Variants in NADSYN1 observed in about 807,000 individuals in gnomAD.
The protein encoded by NADSYN1 is glutamine-dependent NAD(+) synthetase.
Under a neutral mutation model 99.3 loss-of-function variants are expected in NADSYN1, and 80 were observed. The observed-to-expected ratio is 0.81, with a 90% confidence interval of 0.67 to 0.97. NADSYN1 has a LOEUF of 0.97. NADSYN1 is among the 50% of genes least tolerant of loss of function. NADSYN1 has a pLI of 0.00. For missense variants in NADSYN1, 859 were observed against 948.5 expected, an observed-to-expected ratio of 0.91 and a Z score of 1.24; for synonymous variants, 385 against 372.1, an observed-to-expected ratio of 1.03 and a Z score of -0.40.
Position 71,473,615 on chromosome 11 carries a change from G to A in NADSYN1, c.595G>A (p.Ala199Thr), listed in dbSNP as rs758936572. 18 of 1,612,962 alleles carry A rather than the reference G, an allele frequency of 1.1e-5. No homozygotes were observed. The highest frequency in any genetic ancestry group is 1.7e-5 in the Admixed American group (1 of 60,006). ...GLDGVEIITN[A>T]SGSHQVLRKA... is the part of the protein sequence containing the mutation. ...GGATGGCGTGGAGATCATCACCAAC[G>A]CCTCGGGCAGCCACCAAGTGCTGCG... The change falls in exon 8 of 21, where the codon GCC (alanine) becomes ACC (threonine). Residue 199 changes from alanine to threonine, a missense_variant. Coordinates refer to ENST00000319023, the MANE Select transcript of NADSYN1 (RefSeq NM_018161.5).
At chr11:71,479,848 G>A (rs867664665) in intron 10 of NADSYN1, 2 of 152,234 alleles carry the variant, frequency 1.3e-5, no homozygotes, top group South Asian at 2.1e-4. Context: ...TTCAGATCCT[G>A]TGATTACTGT....
At chr11:71,478,050 G>T (rs893732118) in intron 9 of NADSYN1, among the ~76,000 whole-genome samples, 1 of 152,038 alleles carries the variant, frequency 6.6e-6, no homozygotes, top group Non-Finnish European at 1.5e-5. Context: ...TTACTGACAT[G>T]GGGGTGTCTT....
In NADSYN1 at chr11:71,482,771, G is replaced by A; in HGVS notation, c.1151-78G>A. 19 of 1,510,140 alleles carry A rather than the reference G, an allele frequency of 1.3e-5. 1 individual carries two copies. The highest frequency in any genetic ancestry group is 1.7e-5 in the Non-Finnish European group (19 of 1,119,410). The allele number at this position is 1,510,140 out of a possible 1,614,324, so 93.5% of individuals were successfully genotyped here. Reference sequence around the variant, plus strand: ...GGTGGAGCCGCATGGGCACCTGGGGGTGTAGACCGGGGTGGAACTATGTAA... The same window carrying A: ...GGTGGAGCCGCATGGGCACCTGGGGATGTAGACCGGGGTGGAACTATGTAA... On this transcript the variant is annotated intron_variant, in intron 13 of 20. Coordinates refer to ENST00000319023, the MANE Select transcript of NADSYN1 (RefSeq NM_018161.5).
chr11:71,492,354 A>T (rs780839186), intron 18 of NADSYN1, among the ~76,000 whole-genome samples: 15 of 152,102 alleles, frequency 9.9e-5, no homozygotes, highest in Non-Finnish European at 2.1e-4. Context: ...CCAGCCTCTT[A>T]GGTCACCAGG....
chr11:71,465,548 C>T (rs1949582267), intron 5 of NADSYN1, among the ~76,000 whole-genome samples: 1 of 152,194 alleles, frequency 6.6e-6, no homozygotes, highest in Non-Finnish European at 1.5e-5. Context: ...TTGGGTCATT[C>T]TTTGTCATGG....
At chr11:71,453,425 G>A (rs12789751) in intron 1 of NADSYN1, 44 bp downstream of exon 1, 1,045,900 of 1,552,084 alleles carry the variant, frequency 0.67, 380,119 homozygotes, top group Non-Finnish European at 0.77. Flanking sequence ...GTGGCGCACG[G>A]GCACCGTGGC....
intron 18 of NADSYN1, among the ~76,000 whole-genome samples, chr11:71,493,841 ATAAGG>A (rs1949801053): frequency 6.6e-6 from 1 of 152,100 alleles, no homozygotes; most frequent in Admixed American, 6.5e-5. Flanking sequence ...TAAAAAGTTT[ATAAGG>A]TAAGGCTGAG....
Position 71,453,209 on chromosome 11 carries a change from G to C in NADSYN1, c.-88G>C. On this transcript the variant is annotated 5_prime_UTR_variant, in exon 1 of 21. Transcript: ENST00000319023. ...GGAGGGGGCGGGGCCGGGCAACCCG[G>C]AAGGTCCGGCGTCCCAGCCGCCTAC... 1 of 1,179,570 alleles carries C rather than the reference G, an allele frequency of 8.5e-7. No homozygotes were observed. Among genetic ancestry groups the C allele is most frequent in the Non-Finnish European group, 1.2e-6 (1 of 817,100 alleles). 73.1% of individuals were successfully genotyped at this position (1,179,570 alleles called of 1,614,324 possible). A position where few individuals can be genotyped will look rare whatever the true frequency, so the allele number is the denominator to read the frequency against.
At chr11:71,461,046 C>T (rs1440046521) in intron 3 of NADSYN1, 1 of 152,050 alleles carries the variant, frequency 6.6e-6, no homozygotes, top group Non-Finnish European at 1.5e-5. Flanking sequence ...TGGTTTTTTG[C>T]CTACAACTGT....
At chr11:71,473,486 C>T (rs765531255) in intron 7 of NADSYN1, 83 bp from the exon 8 acceptor site, 29 of 1,526,658 alleles carry the variant, frequency 1.9e-5, no homozygotes, top group Admixed American at 3.4e-5. Context: ...TGGGAGCTGC[C>T]GTGGGAGAGT....
At chr11:71,473,542 G>A (rs1949643354) in intron 7 of NADSYN1, 27 bp from the exon 8 acceptor site, 1 of 1,595,708 alleles carries the variant, frequency 6.3e-7, no homozygotes, top group Admixed American at 1.7e-5. Context: ...CTGGTGGCCT[G>A]TTCTCTTCAC....
chr11:71,459,017 G>T (rs755203319), intron 3 of NADSYN1: 4 of 178,934 alleles, frequency 2.2e-5, no homozygotes, highest in East Asian at 1.6e-4. Flanking sequence ...CTCTGCACAC[G>T]CTGTGCTGGT....
chr11:71,476,199 A>C (rs1949664270), intron 9 of NADSYN1: 1 of 429,326 alleles, frequency 2.3e-6, no homozygotes, highest in Non-Finnish European at 4.7e-6. Context: ...TCCCACACAC[A>C]GCATTGCCTG....
At chr11:71,466,581 G>A (rs545639476) in intron 5 of NADSYN1, 1 of 152,368 alleles carries the variant, frequency 6.6e-6, no homozygotes, top group East Asian at 1.9e-4. Flanking sequence ...CTCCAAGGCT[G>A]TAATTTCACT....
chr11:71,473,953 A>T (rs986250689), intron 8 of NADSYN1, among the ~76,000 whole-genome samples: 1 of 152,196 alleles, frequency 6.6e-6, no homozygotes, highest in Non-Finnish European at 1.5e-5. Context: ...GTTCGTTGGC[A>T]TCATGGTGAG....
intron 10 of NADSYN1, chr11:71,479,834 G>T (rs1207831690): frequency 6.6e-6 from 1 of 152,246 alleles, no homozygotes; most frequent in East Asian, 1.9e-4. Context: ...CTGTATCCAT[G>T]GGCTTCAGAT....
At chr11:71,481,045 G>T in intron 11 of NADSYN1, 166 bp downstream of exon 11, 1 of 948,466 alleles carries the variant, frequency 1.1e-6, no homozygotes, top group Non-Finnish European at 1.5e-6. Flanking sequence ...GCTAGAGCCA[G>T]AACCCCTGGG....
intron 3 of NADSYN1, chr11:71,460,778 T>C (rs745799810): frequency 1.3e-5 from 2 of 152,232 alleles, no homozygotes; most frequent in Admixed American, 6.5e-5. Context: ...CATAATGTCA[T>C]TGATAACTTC....
At chr11:71,477,869 T>C (rs1164596367) in intron 9 of NADSYN1, among the ~76,000 whole-genome samples, 1 of 152,234 alleles carries the variant, frequency 6.6e-6, no homozygotes, top group Non-Finnish European at 1.5e-5. Flanking sequence ...CCTCTCCTCG[T>C]GGGCATGGGA....
Sources: gnomAD v4.1 joint callset for allele counts (sites outside exome capture counted in the v4.1 genomes callset) on GRCh38, gnomAD v4.1.1 for gene constraint, MANE v1.5 for transcripts, NCBI Gene and HGNC (gene_info 2026-07-23, HGNC 2026-07-21) for gene names.